PTPRT: variants seen among roughly 807,000 people sequenced by gnomAD.
PTPRT encodes receptor-type tyrosine-protein phosphatase T.
PTPRT carries 56 observed loss-of-function variants against 176.8 expected under a neutral mutation model. The ratio of observed to expected loss-of-function variants is 0.32; its 90% CI spans 0.26 to 0.40. The LOEUF (loss-of-function observed/expected upper bound fraction) is 0.40, where lower values mean the gene tolerates loss of function less well. Ranked by LOEUF, PTPRT falls within the 10% of genes least tolerant of loss-of-function variation. PTPRT has a pLI of 1.00. For missense variants in PTPRT, 1,540 were observed against 1,908.2 expected (o/e 0.81, Z 3.60); for synonymous variants, 783 against 739.0 (o/e 1.06, Z -0.96).
chr20:43,124,652 G>T (rs969706094), intron 1 of PTPRT, among the ~76,000 whole-genome samples: 1 of 152,190 alleles, frequency 6.6e-6, no homozygotes, highest in Non-Finnish European at 1.5e-5. Flanking sequence ...AATCTTTCAC[G>T]CATTCAACGA....
At chr20:42,285,351 G>T (rs1442403577) in intron 12 of PTPRT, among the ~76,000 whole-genome samples, 4 of 151,942 alleles carry the variant, frequency 2.6e-5, no homozygotes, top group African/African-American at 9.7e-5. Context: ...AACAAAAAAA[G>T]ATTTTGAAAG....
intron 6 of PTPRT, among the ~76,000 whole-genome samples, chr20:42,681,073 G>T (rs2075594876): frequency 6.6e-6 from 1 of 152,134 alleles, no homozygotes; most frequent in Admixed American, 6.5e-5. Flanking sequence ...TGTTTAGAAG[G>T]CACAGGTACT....
chr20:42,141,795 T>C, intron 18 of PTPRT, 120 bp downstream of exon 18: 2 of 956,048 alleles, frequency 2.1e-6, no homozygotes, highest in Non-Finnish European at 3.3e-6. Flanking sequence ...GGCATGTAGA[T>C]ACAAAGCTAG....
At chr20:42,645,027 C>T (rs1247914392) in intron 7 of PTPRT, among the ~76,000 whole-genome samples, 1 of 152,100 alleles carries the variant, frequency 6.6e-6, no homozygotes, top group Non-Finnish European at 1.5e-5. Context: ...TTTTCTCACC[C>T]CAAGTTAGTA....
chr20:42,412,094 C>T (rs1209346650), intron 9 of PTPRT, among the ~76,000 whole-genome samples: 4 of 152,144 alleles, frequency 2.6e-5, no homozygotes, highest in Non-Finnish European at 4.4e-5. Flanking sequence ...TCCTGCTCTT[C>T]AAAGGGCACT....
intron 1 of PTPRT, among the ~76,000 whole-genome samples, chr20:43,149,861 G>C (rs547360510): frequency 3.3e-5 from 5 of 152,276 alleles, no homozygotes; most frequent in African/African-American, 9.6e-5. Context: ...CTTTTTGGAA[G>C]GTAAAATGGC....
Position 42,739,378 on chromosome 20 carries a change from G to C in PTPRT, c.859+17084C>G, listed in dbSNP as rs77856292. Among the ~76,000 whole-genome samples, 1,323 of 152,298 alleles carry C rather than the reference G, an allele frequency of 8.7e-3. 23 individuals are homozygous for C. Among genetic ancestry groups the C allele is most frequent in the African/African-American group, 0.03 (1,267 of 41,552 alleles). ...TGTGGTAGGGGGAAGAGAGGAGGAA[G>C]AGGTAGGAGGAAGAGGAACTGTTTT... On this transcript the variant is annotated intron_variant, in intron 6 of 30. Coordinates refer to ENST00000373187, the MANE Select transcript of PTPRT (RefSeq NM_007050.6).
At chr20:42,498,348 G>C (rs1359357542) in intron 7 of PTPRT, among the ~76,000 whole-genome samples, 1 of 152,102 alleles carries the variant, frequency 6.6e-6, no homozygotes, top group East Asian at 1.9e-4. Flanking sequence ...TCTTCCCTCT[G>C]GAGGTTAGAC....
At chr20:42,385,272 C>A (rs953759860) in intron 9 of PTPRT, among the ~76,000 whole-genome samples, 1 of 152,020 alleles carries the variant, frequency 6.6e-6, no homozygotes, top group Non-Finnish European at 1.5e-5. Context: ...ATTACTCAGC[C>A]TCAAAATAAA....
At chr20:42,104,796 G>A (rs1038806484) in intron 24 of PTPRT, 78 bp from the exon 25 acceptor site, 1 of 1,425,032 alleles carries the variant, frequency 7.0e-7, no homozygotes, top group Non-Finnish European at 9.7e-7. Context: ...ATTTAGTGTT[G>A]TGGCTATGAA....
At chr20:42,639,609 T>C (rs911489670) in intron 7 of PTPRT, among the ~76,000 whole-genome samples, 4 of 152,106 alleles carry the variant, frequency 2.6e-5, no homozygotes, top group African/African-American at 9.7e-5. Context: ...CCCAGAGAAC[T>C]TTCCCTAAAG....
intron 6 of PTPRT, among the ~76,000 whole-genome samples, chr20:42,703,409 A>G (rs935246026): frequency 6.6e-6 from 1 of 152,256 alleles, no homozygotes; most frequent in Admixed American, 6.5e-5. Context: ...AAAAAGAGAC[A>G]GAAAAGGAAA....
chr20:42,131,089 A>G (rs1452576824), intron 18 of PTPRT, among the ~76,000 whole-genome samples: 1 of 152,216 alleles, frequency 6.6e-6, no homozygotes, highest in South Asian at 2.1e-4. Context: ...TCTGACCCTG[A>G]AACCCTACTC....
chr20:42,535,883 C>T (rs1279643416), intron 7 of PTPRT, among the ~76,000 whole-genome samples: 1 of 152,122 alleles, frequency 6.6e-6, no homozygotes, highest in African/African-American at 2.4e-5. Flanking sequence ...TCAGGGGCAA[C>T]ACAAAGATTG....
intron 2 of PTPRT, among the ~76,000 whole-genome samples, chr20:42,816,942 A>C (rs1185574129): frequency 6.6e-6 from 1 of 152,240 alleles, no homozygotes; most frequent in African/African-American, 2.4e-5. Context: ...ACAATGTCAA[A>C]GACAGAGGTG....
chr20:42,341,777 C>T (rs2058114708), intron 11 of PTPRT, among the ~76,000 whole-genome samples: 2 of 152,190 alleles, frequency 1.3e-5, no homozygotes, highest in South Asian at 2.1e-4. Context: ...TCTTCTTTCC[C>T]TCATGCCAGT....
intron 7 of PTPRT, among the ~76,000 whole-genome samples, chr20:42,542,942 T>C (rs1175502133): frequency 1.3e-5 from 2 of 152,202 alleles, no homozygotes; most frequent in Admixed American, 6.5e-5. Context: ...ATGTCTAAAA[T>C]ACATGAACAT....
chr20:42,890,188 TG>T (rs1199863932), intron 1 of PTPRT, among the ~76,000 whole-genome samples: 1 of 152,192 alleles, frequency 6.6e-6, no homozygotes, highest in Non-Finnish European at 1.5e-5. Context: ...AAAAGCTCAT[TG>T]GGGCCCAACG....
chr20:42,939,064 A>G (rs1980385012), intron 1 of PTPRT, among the ~76,000 whole-genome samples: 1 of 152,188 alleles, frequency 6.6e-6, no homozygotes, highest in Non-Finnish European at 1.5e-5. Flanking sequence ...CTTAACCATC[A>G]CTGGTTTCTG....
Sources: gnomAD v4.1 joint callset for allele counts (sites outside exome capture counted in the v4.1 genomes callset) on GRCh38, gnomAD v4.1.1 for gene constraint, MANE v1.5 for transcripts, NCBI Gene and HGNC (gene_info 2026-07-23, HGNC 2026-07-21) for gene names.